CAMK4: variants seen among roughly 807,000 people sequenced by gnomAD.
CAMK4 encodes the protein calcium/calmodulin-dependent protein kinase type IV.
CAMK4 carries 22 observed loss-of-function variants against 44.9 expected under a neutral mutation model. The ratio of observed to expected loss-of-function variants is 0.49; its 90% CI spans 0.35 to 0.70. The LOEUF (loss-of-function observed/expected upper bound fraction) is 0.70. CAMK4 is among the 30% of genes least tolerant of loss of function. The pLI is 0.01. For missense variants in CAMK4, 498 were observed against 586.8 expected (o/e 0.85, Z 1.56); for synonymous variants, 218 against 215.4 (o/e 1.01, Z -0.11).
intron 1 of CAMK4, among the ~76,000 whole-genome samples, chr5:111,286,776 C>T (rs953306588): frequency 3.3e-5 from 5 of 151,916 alleles, no homozygotes; most frequent in African/African-American, 1.2e-4. Context: ...TTTGTCTAAG[C>T]TGGTTGGGAG....
chr5:111,455,823 T>G (rs1754394500), intron 7 of CAMK4, among the ~76,000 whole-genome samples: 1 of 152,224 alleles, frequency 6.6e-6, no homozygotes, highest in Non-Finnish European at 1.5e-5. Context: ...CTGTTCCTAC[T>G]TCAGGCTTGA....
intron 1 of CAMK4, among the ~76,000 whole-genome samples, chr5:111,324,678 A>G (rs2112702989): frequency 6.6e-6 from 1 of 152,230 alleles, no homozygotes; most frequent in African/African-American, 2.4e-5. Flanking sequence ...TGATTTGAAT[A>G]TTACCAATCA....
chr5:111,418,851 A>G (rs1752913346), intron 5 of CAMK4, among the ~76,000 whole-genome samples: 1 of 152,114 alleles, frequency 6.6e-6, no homozygotes, highest in African/African-American at 2.4e-5. Flanking sequence ...GTTGTTGGAC[A>G]TTTTGGTTGG....
intron 5 of CAMK4, among the ~76,000 whole-genome samples, chr5:111,443,846 A>G (rs75294523): frequency 0.021 from 3,166 of 152,312 alleles, 104 homozygotes; most frequent in African/African-American, 0.071. Context: ...ATGTTCCGTT[A>G]GTCCCAAACT....
chr5:111,419,832 T>C (rs1379154473), intron 5 of CAMK4, among the ~76,000 whole-genome samples: 1 of 152,186 alleles, frequency 6.6e-6, no homozygotes, highest in Non-Finnish European at 1.5e-5. Flanking sequence ...TACCATGCTG[T>C]TTTGGTTACT....
At chr5:111,431,476 C>T (rs1489276011) in intron 5 of CAMK4, among the ~76,000 whole-genome samples, 9 of 152,080 alleles carry the variant, frequency 5.9e-5, no homozygotes, top group Admixed American at 5.2e-4. Flanking sequence ...CAATACCCCA[C>T]AAGCACAGGT....
chr5:111,288,860 A>G (rs545179032), intron 1 of CAMK4, among the ~76,000 whole-genome samples: 6 of 152,364 alleles, frequency 3.9e-5, no homozygotes, highest in Non-Finnish European at 8.8e-5. Context: ...ATTGTTCCAC[A>G]AGGTCAGTAA....
intron 1 of CAMK4, among the ~76,000 whole-genome samples, chr5:111,272,926 G>A (rs1006638836): frequency 2.0e-5 from 3 of 152,082 alleles, no homozygotes; most frequent in African/African-American, 4.8e-5. Flanking sequence ...ATATAATTTA[G>A]GGGACTATGC....
Position 111,264,487 on chromosome 5 carries a change from A to G in CAMK4, c.161+39843A>G, listed in dbSNP as rs543084218. 2.4e-4 allele frequency among the ~76,000 whole-genome samples: 37 copies of G among 152,188 alleles called. No individual in the cohort carries two copies. The South Asian group carries it at 2.7e-3, about 11-fold the overall frequency. Reference sequence around the variant, plus strand: ...GGTATGTTGGTTTGAAGTTTCTCCAATTTCCTATCAGATACCCTAAGCCTT... The same window carrying G: ...GGTATGTTGGTTTGAAGTTTCTCCAGTTTCCTATCAGATACCCTAAGCCTT... On this transcript the variant is annotated intron_variant, in intron 1 of 10. Coordinates refer to ENST00000282356, the MANE Select transcript of CAMK4 (RefSeq NM_001744.6).
Position 111,360,322 on chromosome 5 carries a change from A to T in CAMK4, c.241-14528A>T, listed in dbSNP as rs536305538. On this transcript the variant is annotated intron_variant, in intron 2 of 10. Transcript: ENST00000282356. Reference sequence around the variant, plus strand: ...TTAGATAACCCAGGGAAGCGTGGTGAGCATGAAGAGGCCACATACCAGGGC... The same window carrying T: ...TTAGATAACCCAGGGAAGCGTGGTGTGCATGAAGAGGCCACATACCAGGGC... 8.5e-5 allele frequency among the ~76,000 whole-genome samples: 13 copies of T among 152,148 alleles called. No individual in the cohort carries two copies. The South Asian group carries it at 2.7e-3, about 32-fold the overall frequency.
In CAMK4 at chr5:111,446,363, A is replaced by G. The variant is rs183222971; in HGVS notation, c.460-323A>G. ...ACAAATTTCAGTACACAGCACCTTG[A>G]CATCATTATAGTAATTAGCTAATTC... On this transcript the variant is annotated intron_variant, in intron 5 of 10. Coordinates refer to ENST00000282356, the MANE Select transcript of CAMK4 (RefSeq NM_001744.6). Among the ~76,000 whole-genome samples, 6 of 152,362 alleles carry G rather than the reference A, an allele frequency of 3.9e-5. No homozygotes were observed. The East Asian group carries it at 1.2e-3, about 29-fold the overall frequency.
chr5:111,418,000 T>A (rs189385376), intron 5 of CAMK4, among the ~76,000 whole-genome samples: 2 of 146,506 alleles, frequency 1.4e-5, no homozygotes, highest in Admixed American at 1.4e-4. Context: ...ATTTTGGAGG[T>A]TTTTTTTTTA....
intron 1 of CAMK4, among the ~76,000 whole-genome samples, chr5:111,287,294 G>A (rs1252901110): frequency 1.3e-5 from 2 of 152,146 alleles, no homozygotes; most frequent in Admixed American, 6.5e-5. Flanking sequence ...CAAGCCAGAA[G>A]AGACAGGATA....
At chr5:111,391,252 A>G (rs965231594) in intron 4 of CAMK4, among the ~76,000 whole-genome samples, 1 of 152,176 alleles carries the variant, frequency 6.6e-6, no homozygotes, top group African/African-American at 2.4e-5. Context: ...GATCTCAGAA[A>G]GAATGAGGGC....
intron 2 of CAMK4, among the ~76,000 whole-genome samples, chr5:111,367,094 C>T (rs993608128): frequency 6.6e-6 from 1 of 150,838 alleles, no homozygotes; most frequent in Non-Finnish European, 1.5e-5. Flanking sequence ...GAGTCCACTG[C>T]TGTCAATTTA....
At position 111,245,142 on chromosome 5, in the gene CAMK4, TA is replaced by T. The variant is rs1749176773; in HGVS notation, c.161+20499del. Among the ~76,000 whole-genome samples, 4 of 152,304 alleles carry T rather than the reference TA, an allele frequency of 2.6e-5. No individual in the cohort carries two copies. In the South Asian group the frequency reaches 8.3e-4, roughly 32 times the overall value. Reference sequence around the variant, plus strand: ...GGACTAAGCTTACTTTTTACTTTTTTACAGTTGGGGACATATTGATTCCATA... The same window carrying T: ...GGACTAAGCTTACTTTTTACTTTTTTCAGTTGGGGACATATTGATTCCATA... On this transcript the variant is annotated intron_variant, in intron 1 of 10. Coordinates refer to ENST00000282356, the MANE Select transcript of CAMK4 (RefSeq NM_001744.6).
intron 1 of CAMK4, among the ~76,000 whole-genome samples, chr5:111,318,832 C>T (rs1028424845): frequency 6.6e-6 from 1 of 152,068 alleles, no homozygotes; most frequent in South Asian, 2.1e-4. Context: ...AGATTAGAAA[C>T]CGTATAATTT....
chr5:111,393,399 C>T (rs1391008799), intron 4 of CAMK4, among the ~76,000 whole-genome samples: 1 of 152,100 alleles, frequency 6.6e-6, no homozygotes, highest in African/African-American at 2.4e-5. Flanking sequence ...GAAATGTAAT[C>T]CTCTAGAATC....
intron 2 of CAMK4, among the ~76,000 whole-genome samples, chr5:111,359,822 G>A (rs1156923860): frequency 6.6e-6 from 1 of 151,998 alleles, no homozygotes; most frequent in African/African-American, 2.4e-5. Context: ...TGAGATTTTA[G>A]GATCAGAACA....
Sources: allele counts gnomAD v4.1 joint callset (sites outside exome capture counted in the v4.1 genomes callset), GRCh38; gene constraint gnomAD v4.1.1; transcripts MANE v1.5; gene names NCBI Gene and HGNC (gene_info 2026-07-23, HGNC 2026-07-21).